Variants in ECT2 observed in about 807,000 individuals in gnomAD.
The protein encoded by ECT2 is epithelial cell transforming 2, also known as protein ECT2.
A neutral mutation model predicts 116.9 loss-of-function variants in ECT2; 61 were observed. The observed-to-expected ratio is 0.52, with a 90% confidence interval of 0.42 to 0.65. ECT2 has a LOEUF of 0.65. ECT2 is among the 30% of genes least tolerant of loss of function. ECT2 has a pLI of 0.00. For missense variants in ECT2, 937 were observed against 1,078.7 expected (o/e 0.87, Z 1.84); for synonymous variants, 358 against 346.4 (o/e 1.03, Z -0.37).
At position 172,784,794 on chromosome 3, in the gene ECT2, C is replaced by G; in HGVS notation, c.1816C>G (p.Leu606Val). ...ACAGAGGTTACCCAGTGTTGCATTA[C>G]TTTTAAATGGTACTTGTCTGATCTG... The part of the protein sequence containing the change: ...PVQRLPSVAL[L>V]LNDLKKHTAD... The change falls in exon 17 of 25, where the codon CTT (leucine) becomes GTT (valine). Residue 606 changes from leucine to valine, a missense_variant. Leu to Val is a conservative substitution (Grantham distance 32, BLOSUM62 1). Transcript: ENST00000392692. The G allele has an allele frequency of 6.3e-7, 1 of 1,594,976 alleles. No homozygotes were observed. The highest frequency in any genetic ancestry group is 8.6e-7 in the Non-Finnish European group (1 of 1,164,258).
At chr3:172,814,171 A>T (rs1246895225) in intron 22 of ECT2, among the ~76,000 whole-genome samples, 1 of 152,088 alleles carries the variant, frequency 6.6e-6, no homozygotes, top group Non-Finnish European at 1.5e-5. Context: ...AAATGACAAA[A>T]TTAGGGAAGC....
chr3:172,754,536 T>A lies in ECT2; in HGVS notation c.6T>A (p.Ala2=). 1.3e-6 allele frequency: 2 copies of A among 1,595,496 alleles called. No homozygotes were observed. The highest frequency in any genetic ancestry group is 1.7e-6 in the Non-Finnish European group (2 of 1,173,918). ...GATTTAGAAGAATACAAATCATGGCTGAAAATAGTGTATTAACATCCACTA... is the reference window on the plus strand; with the variant it reads ...GATTTAGAAGAATACAAATCATGGCAGAAAATAGTGTATTAACATCCACTA... M[A]ENSVLTSTTG... Residue 2 remains alanine (A), a synonymous_variant, in exon 2 of 25, where the codon GCT becomes GCA. Coordinates refer to ENST00000392692, the MANE Select transcript of ECT2 (RefSeq NM_001258315.2).
intron 1 of ECT2, chr3:172,752,133 T>C (rs1428906153): frequency 6.8e-6 from 1 of 146,502 alleles, no homozygotes; most frequent in Non-Finnish European, 1.5e-5. Context: ...TTCAAGAAGT[T>C]TTTTTTTTTT....
chr3:172,797,934 T>C (rs1726028916), intron 18 of ECT2, among the ~76,000 whole-genome samples: 1 of 152,218 alleles, frequency 6.6e-6, no homozygotes. Flanking sequence ...ATGACTATTA[T>C]TTCACAAATG....
chr3:172,807,775 C>A lies in ECT2; in HGVS notation c.2251C>A (p.His751Asn). ...VLDIRETEDC[H>N]NAFALLVRPP... ...TGGTTATTCTGGAACCCTAGATTGCCATAATGCTTTTGCCTTGCTTGTGAG... is the reference window on the plus strand; with the variant it reads ...TGGTTATTCTGGAACCCTAGATTGCAATAATGCTTTTGCCTTGCTTGTGAG... Residue 751 changes from histidine to asparagine, a missense_variant, in exon 22 of 25, where the codon CAT becomes AAT. By Grantham distance (68) the His-to-Asn change is moderately conservative. Coordinates refer to ENST00000392692, the MANE Select transcript of ECT2 (RefSeq NM_001258315.2). The A allele has an allele frequency of 6.2e-7, 1 of 1,611,806 alleles. No individual in the cohort carries two copies. Among genetic ancestry groups the A allele is most frequent in the Non-Finnish European group, 8.5e-7 (1 of 1,178,890 alleles).
chr3:172,778,304 G>A (rs949902870), intron 14 of ECT2, among the ~76,000 whole-genome samples: 12 of 152,146 alleles, frequency 7.9e-5, no homozygotes, highest in African/African-American at 2.4e-4. Flanking sequence ...ATGTATTATA[G>A]ACAAGGAGGA....
At chr3:172,757,303 T>G (rs1717184769) in intron 5 of ECT2, 138 bp downstream of exon 5, 1 of 598,836 alleles carries the variant, frequency 1.7e-6, no homozygotes. Context: ...GTGGCTATTC[T>G]AATGTGGTCC....
chr3:172,775,690 G>A (rs376718400), intron 14 of ECT2, among the ~76,000 whole-genome samples: 3 of 151,218 alleles, frequency 2.0e-5, no homozygotes, highest in East Asian at 1.9e-4. Context: ...CTGGAGTGCA[G>A]TGGTGCGATC....
intron 18 of ECT2, 75 bp downstream of exon 18, chr3:172,786,649 T>C (rs1723656603): frequency 2.0e-6 from 2 of 997,850 alleles, no homozygotes; most frequent in Middle Eastern, 4.3e-4. Flanking sequence ...GAATCATAAA[T>C]AGGAAAATAT....
intron 22 of ECT2, among the ~76,000 whole-genome samples, chr3:172,808,143 T>A (rs988988172): frequency 6.6e-6 from 1 of 152,226 alleles, no homozygotes; most frequent in Non-Finnish European, 1.5e-5. Flanking sequence ...AGGTAGGCCC[T>A]CATAGTCTTA....
chr3:172,761,935 G>C (rs1355358962), intron 8 of ECT2, among the ~76,000 whole-genome samples: 2 of 152,020 alleles, frequency 1.3e-5, no homozygotes, highest in African/African-American at 4.8e-5. Flanking sequence ...GAAATTATTA[G>C]ATAATAGCTA....
At position 172,815,011 on chromosome 3, in the gene ECT2, A is replaced by G. The variant is rs118038130; in HGVS notation, c.2401-593A>G. On this transcript the variant is annotated intron_variant, in intron 22 of 24. Coordinates refer to ENST00000392692, the MANE Select transcript of ECT2 (RefSeq NM_001258315.2). ...AGTGGCTGACCTCACAGAAGTACAC[A>G]GTAGACTTGTGGTTATATGAGGTCT... Among the ~76,000 whole-genome samples the G allele has an allele frequency of 5.9e-5, 9 of 152,274 alleles. No homozygotes were observed. The East Asian group carries it at 1.7e-3, about 29-fold the overall frequency.
chr3:172,783,698 CTA>C lies in ECT2; in HGVS notation c.1618-99_1618-98del, dbSNP rs779698959. 7.6e-5 allele frequency: 55 copies of C among 728,454 alleles called. 1 individual carries two copies. The highest frequency in any genetic ancestry group is 3.8e-4 in the East Asian group (14 of 36,400). 45.1% of individuals were successfully genotyped at this position (728,454 alleles called of 1,614,324 possible). On this transcript the variant is annotated intron_variant, in intron 15 of 24. Transcript: ENST00000392692. Reference sequence around the variant, plus strand: ...AATTTACTTTAAACTTTTGCATCCACTATGTCAGATTGTGACTACTAATTATT... The same window carrying C: ...AATTTACTTTAAACTTTTGCATCCACTGTCAGATTGTGACTACTAATTATT...
Position 172,764,305 on chromosome 3 carries a change from G to A in ECT2, c.1096G>A (p.Val366Met). 6.2e-7 allele frequency: 1 copy of A among 1,614,092 alleles called. No homozygotes were observed. Among genetic ancestry groups the A allele is most frequent in the Non-Finnish European group, 8.5e-7 (1 of 1,179,952 alleles). ...KANTPELKKS[V>M]SMLSLNTPNS... ...AAATACTCCTGAGCTCAAGAAATCA[G>A]TGTCAATGCTTTCTCTAAATACCCC... The change falls in exon 12 of 25, where the codon GTG becomes ATG. Residue 366 changes from valine to methionine, a missense_variant. Physicochemically the swap from Val to Met is conservative, Grantham distance 21. Coordinates refer to ENST00000392692, the MANE Select transcript of ECT2 (RefSeq NM_001258315.2).
chr3:172,761,449 TTG>T (rs1437800535), intron 7 of ECT2, among the ~76,000 whole-genome samples, 159 bp from the exon 8 acceptor site: 2 of 152,164 alleles, frequency 1.3e-5, no homozygotes, highest in Admixed American at 6.5e-5. Context: ...TTACCCTAAC[TTG>T]TATGATTGGA....
intron 24 of ECT2, among the ~76,000 whole-genome samples, chr3:172,818,162 C>T (rs987465362): frequency 4.6e-5 from 7 of 152,004 alleles, no homozygotes; most frequent in Non-Finnish European, 1.0e-4. Context: ...TTAAAGTCTT[C>T]AGTTAACACA....
intron 18 of ECT2, among the ~76,000 whole-genome samples, chr3:172,790,467 A>G (rs1724460831): frequency 6.6e-6 from 1 of 152,180 alleles, no homozygotes; most frequent in South Asian, 2.1e-4. Flanking sequence ...AGAAAAGAAA[A>G]GAGAGGTTTT....
intron 14 of ECT2, among the ~76,000 whole-genome samples, chr3:172,778,295 T>G (rs1397806911): frequency 6.6e-6 from 1 of 152,308 alleles, no homozygotes; most frequent in East Asian, 1.9e-4. Flanking sequence ...GAATTTCTGA[T>G]GTATTATAGA....
In ECT2 at chr3:172,754,561, A is replaced by G. The variant is rs1309573825; in HGVS notation, c.31A>G (p.Thr11Ala). MAENSVLTST[T>A]GRTSLADSSI... ...TGAAAATAGTGTATTAACATCCACTACTGGGAGGACTAGCTTGGCAGACTC... is the reference window on the plus strand; with the variant it reads ...TGAAAATAGTGTATTAACATCCACTGCTGGGAGGACTAGCTTGGCAGACTC... The change falls in exon 2 of 25, where the codon ACT becomes GCT. Residue 11 changes from threonine to alanine, a missense_variant. Thr to Ala is a moderately conservative substitution (Grantham distance 58). Coordinates refer to ENST00000392692, the MANE Select transcript of ECT2 (RefSeq NM_001258315.2). 5 of 1,610,794 alleles carry G rather than the reference A, an allele frequency of 3.1e-6. No homozygotes were observed. The highest frequency in any genetic ancestry group is 2.7e-5 in the African/African-American group (2 of 74,806).
Sources: allele counts gnomAD v4.1 joint callset (sites outside exome capture counted in the v4.1 genomes callset), GRCh38; gene constraint gnomAD v4.1.1; transcripts MANE v1.5; gene names NCBI Gene and HGNC (gene_info 2026-07-23, HGNC 2026-07-21).